The following GBE1 variants were observed in gnomAD, a reference collection of about 807,000 sequenced individuals.
GBE1 encodes 1,4-alpha-glucan branching enzyme 1.
In GBE1, 70 loss-of-function variants were observed where a neutral mutation model predicts 88.8. The observed-to-expected ratio is 0.79, with a 90% CI of 0.65 to 0.96. GBE1 has a LOEUF of 0.96. Ranked by LOEUF, GBE1 falls within the 40% of genes least tolerant of loss-of-function variation. The pLI is 0.00. For missense variants in GBE1, 872 were observed against 871.0 expected (o/e 1.00, Z -0.01); for synonymous variants, 284 against 300.1 (o/e 0.95, Z 0.56).
intron 3 of GBE1, among the ~76,000 whole-genome samples, chr3:81,652,776 A>G (rs901729308): frequency 2.0e-5 from 3 of 152,210 alleles, no homozygotes; most frequent in African/African-American, 7.2e-5. Flanking sequence ...AGAGTATCAT[A>G]ATAAATCTAA....
At chr3:81,606,366 C>A (rs1704101704) in intron 7 of GBE1, among the ~76,000 whole-genome samples, 1 of 152,216 alleles carries the variant, frequency 6.6e-6, no homozygotes. Context: ...ACATTGTCAT[C>A]AAAGTCCATG....
chr3:81,555,916 G>A (rs1158953516), intron 12 of GBE1, among the ~76,000 whole-genome samples: 1 of 152,034 alleles, frequency 6.6e-6, no homozygotes, highest in East Asian at 1.9e-4. Flanking sequence ...ACACAAACAG[G>A]GTTGTTATGT....
intron 9 of GBE1, among the ~76,000 whole-genome samples, chr3:81,589,822 A>G (rs1400932594): frequency 6.6e-6 from 1 of 152,024 alleles, no homozygotes; most frequent in Non-Finnish European, 1.5e-5. Flanking sequence ...TTTGACATAT[A>G]AAATTCAAAT....
intron 14 of GBE1, among the ~76,000 whole-genome samples, chr3:81,515,590 A>G (rs1335740752): frequency 6.6e-6 from 1 of 151,602 alleles, no homozygotes; most frequent in African/African-American, 2.4e-5. Flanking sequence ...GAAGAGGGGC[A>G]TGTCTCTCAC....
chr3:81,760,316 AT>A (rs1706661579), intron 1 of GBE1, among the ~76,000 whole-genome samples: 1 of 152,214 alleles, frequency 6.6e-6, no homozygotes, highest in Non-Finnish European at 1.5e-5. Context: ...AATGCATTTA[AT>A]ACCTGAAAAT....
At position 81,761,391 on chromosome 3, in the gene GBE1, C is replaced by G; in HGVS notation, c.127G>C (p.Val43Leu). 1 of 1,609,142 alleles carries G rather than the reference C, an allele frequency of 6.2e-7. No individual in the cohort carries two copies. Among genetic ancestry groups the G allele is most frequent in the Non-Finnish European group, 8.5e-7 (1 of 1,176,822 alleles). Residue 43 changes from valine to leucine, a missense_variant, in exon 1 of 16, where the codon GTG becomes CTG. Transcript: ENST00000429644. ...CGGCGGTACCTGCGCTGGAAGTCCA[C>G]GGCGTAGGGCTTCAAGTACGGGTCG... Reference protein sequence around the residue: ...EIDPYLKPYAVDFQRRYKQFS... With the variant: ...EIDPYLKPYALDFQRRYKQFS...
chr3:81,566,184 TC>T (rs893866599), intron 12 of GBE1, among the ~76,000 whole-genome samples: 1 of 152,208 alleles, frequency 6.6e-6, no homozygotes, highest in Non-Finnish European at 1.5e-5. Context: ...AGGAGAACTT[TC>T]CTATATCTTT....
intron 2 of GBE1, among the ~76,000 whole-genome samples, chr3:81,674,611 T>A (rs1170546656): frequency 1.3e-5 from 2 of 151,866 alleles, no homozygotes; most frequent in Non-Finnish European, 2.9e-5. Flanking sequence ...AGACACATTT[T>A]AGGGAAATGC....
In GBE1 at chr3:81,670,820, TAGGA is replaced by T; in HGVS notation, c.429+14_429+17del. 1 of 1,327,340 alleles carries T rather than the reference TAGGA, an allele frequency of 7.5e-7. No homozygotes were observed. Among genetic ancestry groups the T allele is most frequent in the Non-Finnish European group, 1.0e-6 (1 of 972,818 alleles). The allele number at this position is 1,327,340 out of a possible 1,614,324, so 82.2% of individuals were successfully genotyped here. On this transcript the variant is annotated intron_variant, in intron 3 of 15. Coordinates refer to ENST00000429644, the MANE Select transcript of GBE1 (RefSeq NM_000158.4). The stretch of plus-strand genomic sequence containing the variant: ...AGAAAATGATAAGTTCAAGAAAAAA[TAGGA>T]GGGAGGAAAGTACCTTTAATTTGGA...
chr3:81,710,107 A>T (rs545436868), intron 1 of GBE1, among the ~76,000 whole-genome samples: 1 of 152,298 alleles, frequency 6.6e-6, no homozygotes, highest in South Asian at 2.1e-4. Flanking sequence ...AGAAGGTAAT[A>T]AGCAATAAGG....
intron 7 of GBE1, among the ~76,000 whole-genome samples, chr3:81,596,542 A>G (rs1703959318): frequency 6.6e-6 from 1 of 152,018 alleles, no homozygotes; most frequent in African/African-American, 2.4e-5. Flanking sequence ...TGCATAAGAA[A>G]AAATGAATTG....
chr3:81,557,067 G>C (rs1302669964), intron 12 of GBE1, among the ~76,000 whole-genome samples: 1 of 151,950 alleles, frequency 6.6e-6, no homozygotes, highest in African/African-American at 2.4e-5. Flanking sequence ...TGAAGTTGAG[G>C]CACAGAAAAA....
At chr3:81,709,025 G>A (rs1167104325) in intron 1 of GBE1, among the ~76,000 whole-genome samples, 2 of 152,110 alleles carry the variant, frequency 1.3e-5, no homozygotes. Flanking sequence ...ACATAATTAA[G>A]GAAAACAAGG....
chr3:81,657,108 A>G (rs1704949484), intron 3 of GBE1, among the ~76,000 whole-genome samples: 1 of 146,364 alleles, frequency 6.8e-6, no homozygotes, highest in Non-Finnish European at 1.5e-5. Context: ...GTGAGCCGAG[A>G]CCACGCCACT....
chr3:81,611,439 A>G (rs1029374165), intron 7 of GBE1, among the ~76,000 whole-genome samples: 8 of 152,208 alleles, frequency 5.3e-5, no homozygotes, highest in Non-Finnish European at 8.8e-5. Context: ...TGGAAATAGA[A>G]GCAGCCCAGG....
intron 14 of GBE1, among the ~76,000 whole-genome samples, chr3:81,520,757 G>A (rs1702861843): frequency 6.6e-6 from 1 of 151,464 alleles, no homozygotes; most frequent in African/African-American, 2.4e-5. Context: ...TCTATCTATT[G>A]CATTAAAGAA....
chr3:81,726,206 A>C (rs1220835860), intron 1 of GBE1, among the ~76,000 whole-genome samples: 2 of 144,896 alleles, frequency 1.4e-5, no homozygotes, highest in Admixed American at 6.9e-5. Context: ...TCCCCCTTCA[A>C]TCCCCCTTCA....
chr3:81,611,997 C>G (rs1450770474), intron 7 of GBE1, among the ~76,000 whole-genome samples: 1 of 151,956 alleles, frequency 6.6e-6, no homozygotes, highest in Non-Finnish European at 1.5e-5. Context: ...TGACATCATG[C>G]CTAGTAAAAG....
At chr3:81,732,291 A>G (rs1187488906) in intron 1 of GBE1, among the ~76,000 whole-genome samples, 1 of 152,204 alleles carries the variant, frequency 6.6e-6, no homozygotes, top group Admixed American at 6.6e-5. Flanking sequence ...AGCATATTTT[A>G]TATTAGGCAA....
Sources: allele counts gnomAD v4.1 joint callset (sites outside exome capture counted in the v4.1 genomes callset), GRCh38; gene constraint gnomAD v4.1.1; transcripts MANE v1.5; gene names NCBI Gene and HGNC (gene_info 2026-07-23, HGNC 2026-07-21).